Variants in CLVS1 observed in about 807,000 individuals in gnomAD.
CLVS1 encodes the protein clavesin 1.
In CLVS1, 10 loss-of-function variants were observed where a neutral mutation model predicts 33.1. The ratio of observed to expected loss-of-function variants is 0.30; its 90% CI spans 0.19 to 0.51. CLVS1 has a LOEUF of 0.51. Among genes scored for constraint, CLVS1 ranks in the 20% least tolerant of loss-of-function variants. The probability of loss-of-function intolerance (pLI) is 0.97; values close to 1 mark genes in which losing one functional copy is unlikely to be tolerated. For missense variants in CLVS1, 343 were observed against 433.4 expected (o/e 0.79, Z 1.85); for synonymous variants, 163 against 166.1 (o/e 0.98, Z 0.14).
the CLVS1 span, among the ~76,000 whole-genome samples, chr8:60,996,042 T>G: frequency 2.6e-5 from 4 of 152,268 alleles, no homozygotes; most frequent in East Asian, 1.9e-4. Flanking sequence ...GGGATAGCAT[T>G]GGGAGATATA....
At chr8:61,196,639 C>T (rs1044278671) in intron 2 of CLVS1, among the ~76,000 whole-genome samples, 3 of 152,276 alleles carry the variant, frequency 2.0e-5, no homozygotes, top group Middle Eastern at 3.4e-3. Flanking sequence ...TAAGAGCAGA[C>T]ATTATCTCCA....
intron 2 of CLVS1, among the ~76,000 whole-genome samples, chr8:61,246,167 CTTTTTTTT>C (rs1188366643): frequency 4.9e-5 from 4 of 82,210 alleles, no homozygotes; most frequent in Non-Finnish European, 9.1e-5. Context: ...TCCTTCCCAA[CTTTTTTTT>C]TTTTTTTTTT....
chr8:61,036,769 C>T, the CLVS1 span, among the ~76,000 whole-genome samples: 6 of 152,326 alleles, frequency 3.9e-5, no homozygotes, highest in South Asian at 2.1e-4. Flanking sequence ...ACCTTGCTAA[C>T]GTTTGCCATT....
At chr8:61,192,457 A>AG (rs1807507243) in intron 2 of CLVS1, among the ~76,000 whole-genome samples, 1 of 149,162 alleles carries the variant, frequency 6.7e-6, no homozygotes, top group Non-Finnish European at 1.5e-5. Context: ...TTCAGGCCAG[A>AG]GGCATGGGCA....
At chr8:61,084,394 C>T (rs145127004) in intron 1 of CLVS1, among the ~76,000 whole-genome samples, 33 of 152,168 alleles carry the variant, frequency 2.2e-4, no homozygotes, top group African/African-American at 7.9e-4. Flanking sequence ...TTTTGCCCTC[C>T]CCTCCCGTGT....
At chr8:61,462,049 C>G (rs1452487170) in intron 5 of CLVS1, among the ~76,000 whole-genome samples, 2 of 152,168 alleles carry the variant, frequency 1.3e-5, no homozygotes, top group Admixed American at 6.5e-5. Flanking sequence ...GCATCAGAGA[C>G]TAAAAGCCAC....
chr8:61,342,376 G>C (rs73682262), intron 2 of CLVS1, among the ~76,000 whole-genome samples: 6,674 of 152,254 alleles, frequency 0.044, 311 homozygotes, highest in African/African-American at 0.12. Flanking sequence ...TGAGCTCCTC[G>C]ATGGCTAAAG....
At chr8:61,173,526 G>A (rs1016210353) in intron 2 of CLVS1, among the ~76,000 whole-genome samples, 1 of 152,136 alleles carries the variant, frequency 6.6e-6, no homozygotes, top group African/African-American at 2.4e-5. Flanking sequence ...CTGTATCCCA[G>A]TGGTATTGAT....
At chr8:61,092,145 A>G (rs1029690760) in intron 1 of CLVS1, among the ~76,000 whole-genome samples, 1 of 152,186 alleles carries the variant, frequency 6.6e-6, no homozygotes, top group Non-Finnish European at 1.5e-5. Context: ...AGACATGGTA[A>G]TATCTATGTT....
At chr8:60,992,486 G>A in the CLVS1 span, among the ~76,000 whole-genome samples, 1,771 of 152,332 alleles carry the variant, frequency 0.012, 26 homozygotes, top group Admixed American at 0.017. Flanking sequence ...TGGATGAGAC[G>A]TAAACAAGAG....
chr8:61,114,147 G>A (rs1420437011), intron 1 of CLVS1, among the ~76,000 whole-genome samples: 1 of 152,204 alleles, frequency 6.6e-6, no homozygotes, highest in Admixed American at 6.5e-5. Flanking sequence ...TTTTCATGTT[G>A]TGAAATATTA....
intron 3 of CLVS1, among the ~76,000 whole-genome samples, chr8:61,435,777 A>G (rs1816309793): frequency 6.6e-6 from 1 of 152,226 alleles, no homozygotes; most frequent in South Asian, 2.1e-4. Context: ...AAATAAAGGC[A>G]GAAAATTTTA....
At chr8:61,410,596 A>G (rs1299404515) in intron 3 of CLVS1, among the ~76,000 whole-genome samples, 1 of 150,202 alleles carries the variant, frequency 6.7e-6, no homozygotes, top group Non-Finnish European at 1.5e-5. Flanking sequence ...TACCCGCCCC[A>G]CTCTCCACTC....
chr8:61,325,748 A>G (rs1427859322), intron 2 of CLVS1, among the ~76,000 whole-genome samples: 2 of 152,170 alleles, frequency 1.3e-5, no homozygotes, highest in Non-Finnish European at 2.9e-5. Context: ...CATCTCATAC[A>G]TCGATAATTG....
At chr8:61,201,537 G>A (rs529508717) in intron 2 of CLVS1, among the ~76,000 whole-genome samples, 2 of 152,178 alleles carry the variant, frequency 1.3e-5, no homozygotes, top group Non-Finnish European at 2.9e-5. Context: ...GTTGATTAGA[G>A]GAGGCAGGAC....
intron 2 of CLVS1, among the ~76,000 whole-genome samples, chr8:61,338,595 C>T (rs1811890091): frequency 6.6e-6 from 1 of 152,226 alleles, no homozygotes; most frequent in South Asian, 2.1e-4. Flanking sequence ...GATCGCAGCA[C>T]ACATTTTTGG....
chr8:61,244,769 G>C (rs1018183322), intron 2 of CLVS1, among the ~76,000 whole-genome samples: 1 of 151,990 alleles, frequency 6.6e-6, no homozygotes, highest in Non-Finnish European at 1.5e-5. Context: ...TGTATTTTCT[G>C]CTCAATTTTT....
At chr8:61,331,830 T>A (rs1000636718) in intron 2 of CLVS1, among the ~76,000 whole-genome samples, 1 of 149,624 alleles carries the variant, frequency 6.7e-6, no homozygotes, top group African/African-American at 2.5e-5. Flanking sequence ...CTCTTCCTCC[T>A]CCTCCTCCTC....
At chr8:61,088,694 A>C (rs927777127) in intron 1 of CLVS1, among the ~76,000 whole-genome samples, 39 of 152,216 alleles carry the variant, frequency 2.6e-4, no homozygotes, top group African/African-American at 9.4e-4. Context: ...ATCCTTTTCC[A>C]AATTAGTTGA....
Sources: gnomAD v4.1 joint callset for allele counts (sites outside exome capture counted in the v4.1 genomes callset) on GRCh38, gnomAD v4.1.1 for gene constraint, MANE v1.5 for transcripts, NCBI Gene and HGNC (gene_info 2026-07-23, HGNC 2026-07-21) for gene names.